Variants in C4orf51 observed in about 807,000 individuals in gnomAD.
C4orf51 encodes the protein uncharacterized protein C4orf51.
C4orf51 carries 25 observed loss-of-function variants against 25.2 expected under a neutral mutation model. The ratio of observed to expected loss-of-function variants is 0.99; its 90% confidence interval spans 0.72 to 1.39. The LOEUF is 1.39. Ranked by LOEUF, C4orf51 falls within the 40% of genes most tolerant of loss-of-function variation. The pLI is 0.00. For missense variants in C4orf51, 252 were observed against 239.6 expected (o/e 1.05, Z -0.34); for synonymous variants, 100 against 84.5 (o/e 1.18, Z -1.01).
intron 1 of C4orf51, among the ~76,000 whole-genome samples, chr4:145,691,214 A>T (rs1372678178): frequency 2.6e-5 from 4 of 152,244 alleles, no homozygotes; most frequent in Non-Finnish European, 5.9e-5. Context: ...ACTGATCATC[A>T]GAGGAATGCA....
At chr4:145,687,002 T>TC (rs1553961675) in intron 1 of C4orf51, among the ~76,000 whole-genome samples, 5 of 123,572 alleles carry the variant, frequency 4.0e-5, no homozygotes, top group Middle Eastern at 8.2e-3. Flanking sequence ...TTGGATCTTG[T>TC]GGGGGGGGCG....
At chr4:145,692,078 GA>G (rs1181185154) in intron 1 of C4orf51, among the ~76,000 whole-genome samples, 1 of 142,710 alleles carries the variant, frequency 7.0e-6, no homozygotes, top group Non-Finnish European at 1.5e-5. Context: ...TACTCCAAGT[GA>G]AATGCACTTT....
At chr4:145,755,752 A>G (rs1479292399), downstream of C4orf51, among the ~76,000 whole-genome samples, 3 of 152,322 alleles carry the variant, frequency 2.0e-5, no homozygotes, top group East Asian at 1.9e-4. Flanking sequence ...GTTATTCCCA[A>G]AATAAACCCC....
Position 145,680,269 on chromosome 4 carries a change from G to A in C4orf51, c.66G>A (p.Glu22=), listed in dbSNP as rs72950878. Residue 22 remains glutamate, a synonymous_variant, in exon 1 of 6, where the codon GAG becomes GAA. Coordinates refer to ENST00000438731, the MANE Select transcript of C4orf51 (RefSeq NM_001080531.3). ...CCTTTAGCCCTCTTACTTCTCAAGA[G>A]TTTGATCTGATCAGACGCAAGGCTG... ...LLPFSPLTSQ[E]FDLIRRKAGA... is the part of the protein sequence containing the mutation. The A allele has an allele frequency of 1.2e-6, 2 of 1,613,986 alleles. No homozygotes were observed. The highest frequency in any genetic ancestry group is 1.7e-5 in the Admixed American group (1 of 60,016).
At chr4:145,756,932 A>G (rs763866823), downstream of C4orf51, among the ~76,000 whole-genome samples, 3 of 152,240 alleles carry the variant, frequency 2.0e-5, no homozygotes, top group Non-Finnish European at 4.4e-5. Context: ...GAAATAAGCA[A>G]AGGACATTAT....
At chr4:145,710,532 C>G (rs1447461951) in intron 2 of C4orf51, among the ~76,000 whole-genome samples, 1 of 152,162 alleles carries the variant, frequency 6.6e-6, no homozygotes, top group Non-Finnish European at 1.5e-5. Context: ...CTTGAGGCAT[C>G]CTTCCCTTAC....
At chr4:145,688,734 CA>C (rs887473524) in intron 1 of C4orf51, among the ~76,000 whole-genome samples, 64 of 152,200 alleles carry the variant, frequency 4.2e-4, no homozygotes, top group African/African-American at 1.3e-3. Context: ...TGGACTAATA[CA>C]AGGATATTGT....
intron 1 of C4orf51, among the ~76,000 whole-genome samples, chr4:145,744,211 T>C (rs1304781583): frequency 6.6e-6 from 1 of 151,652 alleles, no homozygotes; most frequent in East Asian, 1.9e-4. Flanking sequence ...GGGGGAGAAA[T>C]GGTTGGTAAG....
chr4:145,704,467 A>G (rs1255734648), intron 2 of C4orf51, among the ~76,000 whole-genome samples: 2 of 152,152 alleles, frequency 1.3e-5, no homozygotes, highest in Admixed American at 6.5e-5. Context: ...AAAATATTTT[A>G]ATTTCCTTCA....
intron 2 of C4orf51, among the ~76,000 whole-genome samples, chr4:145,710,899 G>T (rs1316646913): frequency 6.6e-6 from 1 of 152,090 alleles, no homozygotes; most frequent in Non-Finnish European, 1.5e-5. Context: ...AGAAAGCAAA[G>T]ATCACTTGGT....
the C4orf51 span, among the ~76,000 whole-genome samples, chr4:145,787,112 A>G: frequency 4.6e-5 from 7 of 152,158 alleles, no homozygotes; most frequent in Admixed American, 2.6e-4. Flanking sequence ...CACTCACCCA[A>G]AGATTTCTGC....
At chr4:145,748,493 A>C (rs1349280940) in intron 1 of C4orf51, among the ~76,000 whole-genome samples, 2 of 151,368 alleles carry the variant, frequency 1.3e-5, no homozygotes, top group African/African-American at 4.9e-5. Flanking sequence ...ATTTACTTGA[A>C]GTTTTTCTTC....
Position 145,763,039 on chromosome 4 carries a change from C to T in C4orf51, n.167-7949C>T. 2.7e-6 allele frequency: 4 copies of T among 1,491,836 alleles called. No homozygotes were observed. Among genetic ancestry groups the T allele is most frequent in the Non-Finnish European group, 3.6e-6 (4 of 1,111,458 alleles). 92.4% of individuals were successfully genotyped at this position (1,491,836 alleles called of 1,614,324 possible). On this transcript the variant is annotated intron_variant and non_coding_transcript_variant, in intron 1 of 1. Transcript: ENST00000510096. This position sits in a 1 kb window ranked among gnomAD's most constrained non-coding sequence, Gnocchi z 4.6. ...AGTGCACACGAGAGAAATATAAAGC[C>T]CATTCCCAGGTCAGGTGCACACACA...
rs1732197050 is a variant in C4orf51, at chr4:145,728,019, AT to A, written c.366+1051del. The stretch of plus-strand genomic sequence containing the variant: ...TATTATATATATAATGTGTGTATAT[AT>A]AATATATATTATATATAATATATAT... On this transcript the variant is annotated intron_variant, in intron 3 of 5. Coordinates refer to ENST00000438731, the MANE Select transcript of C4orf51 (RefSeq NM_001080531.3). Among the ~76,000 whole-genome samples, 3 of 127,648 alleles carry A rather than the reference AT, an allele frequency of 2.4e-5. No individual in the cohort carries two copies. In the Admixed American group the frequency reaches 2.8e-4, roughly 12 times the overall value. 83.7% of individuals were successfully genotyped at this position (127,648 alleles called of 152,430 possible). A position where few individuals can be genotyped will look rare whatever the true frequency, so the allele number is the denominator to read the frequency against.
chr4:145,735,298 G>A (rs544710379), downstream of C4orf51, among the ~76,000 whole-genome samples: 8 of 152,300 alleles, frequency 5.3e-5, no homozygotes, highest in Middle Eastern at 3.4e-3. Flanking sequence ...ATCTGGAAGA[G>A]TAACTATGGG....
chr4:145,751,196 C>T (rs992076111), intron 1 of C4orf51, among the ~76,000 whole-genome samples: 1 of 152,060 alleles, frequency 6.6e-6, no homozygotes, highest in Admixed American at 6.5e-5. Flanking sequence ...GATCTTGATG[C>T]TTGAGGATGT....
intron 2 of C4orf51, among the ~76,000 whole-genome samples, chr4:145,714,342 C>T (rs1476139227): frequency 1.3e-5 from 2 of 152,096 alleles, no homozygotes; most frequent in African/African-American, 2.4e-5. Context: ...ACATAATTAC[C>T]TTTTTTTATG....
chr4:145,695,201 C>T (rs1729969694), intron 1 of C4orf51, among the ~76,000 whole-genome samples: 1 of 152,226 alleles, frequency 6.6e-6, no homozygotes, highest in Non-Finnish European at 1.5e-5. Context: ...TACCCTCCTA[C>T]CAACAGTGTA....
intron 2 of C4orf51, among the ~76,000 whole-genome samples, chr4:145,699,390 C>G (rs905168308): frequency 6.7e-6 from 1 of 150,144 alleles, no homozygotes; most frequent in African/African-American, 2.5e-5. Context: ...ACCGACCAGC[C>G]CAAGAAACAT....
Sources: allele counts gnomAD v4.1 joint callset (sites outside exome capture counted in the v4.1 genomes callset), GRCh38; gene constraint gnomAD v4.1.1; non-coding constraint Gnocchi (gnomAD v3.1); transcripts MANE v1.5; gene names NCBI Gene and HGNC (gene_info 2026-07-23, HGNC 2026-07-21).